The following CLEC2D variants were observed in gnomAD, a reference collection of about 807,000 sequenced individuals.
The protein encoded by CLEC2D is C-type lectin related f.
Under a neutral mutation model 20.0 loss-of-function variants are expected in CLEC2D, and 16 were observed. The observed-to-expected ratio is 0.80, with a 90% CI of 0.54 to 1.22. The LOEUF (loss-of-function observed/expected upper bound fraction) is 1.22, where lower values mean the gene tolerates loss of function less well. Ranked by LOEUF, CLEC2D falls within the 50% of genes most tolerant of loss-of-function variation. The pLI, the probability that CLEC2D is intolerant of heterozygous loss-of-function variation, is 0.00. For synonymous variants in CLEC2D, 77 were observed against 71.1 expected, an observed-to-expected ratio of 1.08 and a Z score of -0.42; for missense variants, 207 against 221.5, an observed-to-expected ratio of 0.93 and a Z score of 0.42.
rs1319312055 is a variant in CLEC2D, at chr12:9,692,820, T to C, written c.358-8T>C. 1 of 1,592,948 alleles carries C rather than the reference T, an allele frequency of 6.3e-7. No individual in the cohort carries two copies. The highest frequency in any genetic ancestry group is 1.7e-5 in the Admixed American group (1 of 58,404). On this transcript the variant is annotated splice_polypyrimidine_tract_variant and splice_region_variant and intron_variant, in intron 3 of 4. Transcript: ENST00000290855. ...ATTAATGAATATCATCTCTGTGTTTTCTGAAAGAATTTCCTGTTGAGATAT... is the reference window on the plus strand; with the variant it reads ...ATTAATGAATATCATCTCTGTGTTTCCTGAAAGAATTTCCTGTTGAGATAT...
At chr12:9,680,528 G>T (rs1047595908) in intron 1 of CLEC2D, among the ~76,000 whole-genome samples, 2 of 152,008 alleles carry the variant, frequency 1.3e-5, no homozygotes, top group Non-Finnish European at 1.5e-5. Context: ...CCAAAACAAT[G>T]CCTTTTAAGT....
rs934188441 is a variant in CLEC2D at position 9,697,358 on chromosome 12, A to G, written c.*2484A>G. 2 of 152,206 alleles carry G rather than the reference A, an allele frequency of 1.3e-5. No individual in the cohort carries two copies. Among genetic ancestry groups the G allele is most frequent in the African/African-American group, 4.8e-5 (2 of 41,444 alleles). 9.4% of individuals were successfully genotyped at this position (152,206 alleles called of 1,614,324 possible). ...CTGCTGCAGTTAACTAGCCCAATCT[A>G]TTCCTTTAATTCGGCCCATCCCTTC... On this transcript the variant is annotated 3_prime_UTR_variant, in exon 5 of 5. Transcript: ENST00000290855.
chr12:9,673,503 G>T (rs978391075), intron 1 of CLEC2D, among the ~76,000 whole-genome samples: 2 of 152,258 alleles, frequency 1.3e-5, no homozygotes, highest in African/African-American at 2.4e-5. Flanking sequence ...GGTGACCCTT[G>T]TTGGGAAGTC....
chr12:9,669,755 G>A lies in CLEC2D; in HGVS notation c.21G>A (p.Val7=), dbSNP rs1336881673. 1 of 1,613,808 alleles carries A rather than the reference G, an allele frequency of 6.2e-7. No homozygotes were observed. The highest frequency in any genetic ancestry group is 1.1e-5 in the South Asian group (1 of 91,080). Reference sequence around the variant, plus strand: ...GCAAAATGCATGACAGTAACAATGTGGAGAAAGACATTACACCATCTGAAT... The same window carrying A: ...GCAAAATGCATGACAGTAACAATGTAGAGAAAGACATTACACCATCTGAAT... The part of the protein sequence containing the change: MHDSNN[V]EKDITPSELP... The change falls in exon 1 of 5, where the codon GTG becomes GTA. Residue 7 remains valine, a synonymous_variant. Coordinates refer to ENST00000290855, the MANE Select transcript of CLEC2D (RefSeq NM_013269.6).
chr12:9,672,233 A>T (rs1472260367), intron 1 of CLEC2D, among the ~76,000 whole-genome samples: 1 of 152,252 alleles, frequency 6.6e-6, no homozygotes, highest in Non-Finnish European at 1.5e-5. Context: ...CTTTCGTGAT[A>T]GTAAACCCAC....
Position 9,695,834 on chromosome 12 carries a change from A to G in CLEC2D, c.*960A>G, listed in dbSNP as rs201442089. On this transcript the variant is annotated 3_prime_UTR_variant, in exon 5 of 5. Transcript: ENST00000290855. ...TCTGCCCCTGGAGGTGGGCAGAAAA[A>G]AGTAAAACTTGCTGCTGCTGCTGAT... The G allele has an allele frequency of 2.8e-3, 3,162 of 1,140,726 alleles. 34 individuals carry two copies. The African/African-American group carries it at 0.028, about 10-fold the overall frequency. 70.7% of individuals were successfully genotyped at this position (1,140,726 alleles called of 1,614,324 possible). A position where few individuals can be genotyped will look rare whatever the true frequency, so the allele number is the denominator to read the frequency against.
intron 2 of CLEC2D, among the ~76,000 whole-genome samples, chr12:9,684,226 G>A (rs112634379): frequency 1.3e-4 from 20 of 152,264 alleles, no homozygotes; most frequent in Middle Eastern, 6.8e-3. Context: ...CATTGATTTC[G>A]TATCCTGAGA....
intron 3 of CLEC2D, among the ~76,000 whole-genome samples, chr12:9,692,461 A>G (rs778636863): frequency 6.6e-5 from 10 of 152,246 alleles, no homozygotes; most frequent in South Asian, 4.1e-4. Flanking sequence ...GACAAAAAGC[A>G]TATCCTGGGG....
chr12:9,672,215 C>A (rs1295188485), intron 1 of CLEC2D, among the ~76,000 whole-genome samples: 4 of 152,164 alleles, frequency 2.6e-5, no homozygotes, highest in Admixed American at 1.3e-4. Flanking sequence ...GCTTTTATAA[C>A]AAATCCACTT....
At chr12:9,692,554 G>A (rs1009400476) in intron 3 of CLEC2D, among the ~76,000 whole-genome samples, 3 of 152,116 alleles carry the variant, frequency 2.0e-5, no homozygotes, top group Admixed American at 6.5e-5. Context: ...GGTGTCAACC[G>A]ATAGTATAAT....
chr12:9,686,929 T>C (rs1865760890), intron 2 of CLEC2D, among the ~76,000 whole-genome samples: 1 of 152,164 alleles, frequency 6.6e-6, no homozygotes, highest in African/African-American at 2.4e-5. Context: ...ACAAGGCTTT[T>C]TCACATCAAG....
intron 3 of CLEC2D, among the ~76,000 whole-genome samples, chr12:9,691,452 G>A (rs1865861512): frequency 6.6e-6 from 1 of 152,034 alleles, no homozygotes; most frequent in Non-Finnish European, 1.5e-5. Context: ...CCCAACAAGA[G>A]CAGAATATTA....
At chr12:9,679,849 G>T (rs1381446873) in intron 1 of CLEC2D, among the ~76,000 whole-genome samples, 2 of 152,178 alleles carry the variant, frequency 1.3e-5, no homozygotes, top group African/African-American at 2.4e-5. Flanking sequence ...GCAAGAGATT[G>T]TGTCAGAACA....
Position 9,690,000 on chromosome 12 carries a change from A to G in CLEC2D, c.357+1914A>G, listed in dbSNP as rs116122656. ...AATCTGAGGAAATACATAAATATATACATCCAAGAGGCTCAATGAACTCCA... is the reference window on the plus strand; with the variant it reads ...AATCTGAGGAAATACATAAATATATGCATCCAAGAGGCTCAATGAACTCCA... On this transcript the variant is annotated intron_variant, in intron 3 of 4. Transcript: ENST00000290855. Among the ~76,000 whole-genome samples the G allele has an allele frequency of 6.8e-3, 1,039 of 152,200 alleles. 18 individuals are homozygous for G. The highest frequency in any genetic ancestry group is 0.024 in the African/African-American group (985 of 41,550).
chr12:9,680,879 G>A (rs1261848335), intron 1 of CLEC2D, 44 bp from the exon 2 acceptor site: 7 of 952,044 alleles, frequency 7.4e-6, no homozygotes, highest in Admixed American at 5.3e-5. Flanking sequence ...GCAGTATTAT[G>A]TCTGTATTTA....
intron 1 of CLEC2D, among the ~76,000 whole-genome samples, chr12:9,675,908 C>T (rs1326912983): frequency 6.6e-6 from 1 of 152,092 alleles, no homozygotes; most frequent in Non-Finnish European, 1.5e-5. Context: ...ATGTATATGG[C>T]ACTGTGTTCT....
chr12:9,670,028 ATAAGGT>A (rs58315510), intron 1 of CLEC2D, among the ~76,000 whole-genome samples: 63,984 of 151,316 alleles, frequency 0.42, 14,064 homozygotes, highest in East Asian at 0.62. Flanking sequence ...AGACAATGAG[ATAAGGT>A]TAAGTTTAGG....
intron 3 of CLEC2D, among the ~76,000 whole-genome samples, chr12:9,692,030 A>G (rs1865874720): frequency 6.6e-6 from 1 of 152,232 alleles, no homozygotes; most frequent in Admixed American, 6.5e-5. Context: ...AAAGGAAACC[A>G]GCCTATGCTG....
At chr12:9,689,596 A>G (rs889853695) in intron 3 of CLEC2D, among the ~76,000 whole-genome samples, 7 of 152,326 alleles carry the variant, frequency 4.6e-5, no homozygotes, top group Admixed American at 3.3e-4. Flanking sequence ...AAACTAGACA[A>G]AAAGCTAAAG....
Sources: allele counts gnomAD v4.1 joint callset (sites outside exome capture counted in the v4.1 genomes callset), GRCh38; gene constraint gnomAD v4.1.1; transcripts MANE v1.5; gene names NCBI Gene and HGNC (gene_info 2026-07-23, HGNC 2026-07-21).